Variants in KCNN2 observed in about 807,000 individuals in gnomAD.
KCNN2 encodes the protein potassium calcium-activated channel subfamily N member 2.
A neutral mutation model predicts 55.5 loss-of-function variants in KCNN2; 24 were observed. The observed-to-expected ratio is 0.43, with a 90% confidence interval of 0.31 to 0.61. The LOEUF is 0.61. KCNN2 is among the 20% of genes least tolerant of loss of function. KCNN2 has a pLI of 0.08. For missense variants in KCNN2, 754 were observed against 853.6 expected, an observed-to-expected ratio of 0.88 and a Z score of 1.45; for synonymous variants, 431 against 336.1, an observed-to-expected ratio of 1.28 and a Z score of -3.09.
At position 114,483,335 on chromosome 5, in the gene KCNN2, C is replaced by A. The variant is rs34565875; in HGVS notation, c.1891-3715C>A. 2.7e-5 allele frequency among the ~76,000 whole-genome samples: 4 copies of A among 147,026 alleles called. No individual in the cohort carries two copies. The Admixed American group carries it at 2.7e-4, about 10-fold the overall frequency. On this transcript the variant is annotated intron_variant, in intron 5 of 7. Coordinates refer to ENST00000673685, the MANE Select transcript of KCNN2 (RefSeq NM_021614.4). ...TGTCACCCAGGCTGGAGCACAGCAG[C>A]GTGATCTCGGCTCACTGCAACCTCC...
At chr5:114,413,674 G>T (rs771184637) in intron 3 of KCNN2, among the ~76,000 whole-genome samples, 1 of 152,150 alleles carries the variant, frequency 6.6e-6, no homozygotes, top group Non-Finnish European at 1.5e-5. Context: ...TGAGATCCTG[G>T]TTTAAAGAAT....
At chr5:114,172,088 A>G (rs551571466) in intron 1 of KCNN2, among the ~76,000 whole-genome samples, 2 of 151,938 alleles carry the variant, frequency 1.3e-5, no homozygotes, top group Non-Finnish European at 2.9e-5. Flanking sequence ...CTACAAACCT[A>G]TTGAAGATAA....
chr5:114,426,712 T>G (rs1759636066), intron 3 of KCNN2, among the ~76,000 whole-genome samples: 2 of 152,210 alleles, frequency 1.3e-5, no homozygotes, highest in Admixed American at 1.3e-4. Flanking sequence ...TGTTAGAGAA[T>G]GAAGAATAAC....
intron 3 of KCNN2, among the ~76,000 whole-genome samples, chr5:114,458,200 T>C (rs1399779491): frequency 6.6e-6 from 1 of 152,236 alleles, no homozygotes; most frequent in East Asian, 1.9e-4. Flanking sequence ...ATAATACTTC[T>C]CACTAACTAT....
intron 3 of KCNN2, among the ~76,000 whole-genome samples, chr5:114,407,577 A>G (rs1315788676): frequency 1.3e-5 from 2 of 152,202 alleles, no homozygotes; most frequent in Non-Finnish European, 2.9e-5. Flanking sequence ...CTTTGCATAC[A>G]TACTTCAAAT....
chr5:114,284,310 G>T (rs1044886068), intron 2 of KCNN2, among the ~76,000 whole-genome samples: 1 of 152,126 alleles, frequency 6.6e-6, no homozygotes, highest in African/African-American at 2.4e-5. Flanking sequence ...CAGAGTGAAA[G>T]CCTGTGTGTA....
At chr5:114,471,689 G>C (rs1167895919) in intron 4 of KCNN2, among the ~76,000 whole-genome samples, 1 of 152,134 alleles carries the variant, frequency 6.6e-6, no homozygotes, top group Admixed American at 6.5e-5. Flanking sequence ...CTCTTTCTCT[G>C]ATCATGTGAT....
At chr5:114,325,254 T>C (rs1333325927) in intron 2 of KCNN2, among the ~76,000 whole-genome samples, 1 of 152,192 alleles carries the variant, frequency 6.6e-6, no homozygotes, top group Non-Finnish European at 1.5e-5. Context: ...GTGTTGAATA[T>C]ATAGCCTGGG....
At chr5:114,146,359 G>A (rs567862936) in intron 1 of KCNN2, among the ~76,000 whole-genome samples, 44 of 152,150 alleles carry the variant, frequency 2.9e-4, no homozygotes, top group African/African-American at 8.9e-4. Flanking sequence ...GGCTTTGTGG[G>A]TTATAAGGAA....
At chr5:114,208,055 T>G (rs759323187) in intron 1 of KCNN2, among the ~76,000 whole-genome samples, 1 of 152,224 alleles carries the variant, frequency 6.6e-6, no homozygotes, top group Non-Finnish European at 1.5e-5. Flanking sequence ...TGCCAGATAT[T>G]GAGTCTCTGC....
intron 2 of KCNN2, among the ~76,000 whole-genome samples, chr5:114,385,777 T>G (rs1758262589): frequency 6.6e-6 from 1 of 152,032 alleles, no homozygotes; most frequent in South Asian, 2.1e-4. Context: ...ACTAATGTAA[T>G]GTATGATAAA....
chr5:114,310,059 C>T (rs1366699491), intron 2 of KCNN2, among the ~76,000 whole-genome samples: 2 of 152,216 alleles, frequency 1.3e-5, no homozygotes, highest in Non-Finnish European at 2.9e-5. Flanking sequence ...TTCTCTAGCA[C>T]ATACAATTTA....
intron 2 of KCNN2, among the ~76,000 whole-genome samples, chr5:114,309,445 C>T (rs1016363900): frequency 4.6e-5 from 7 of 152,176 alleles, no homozygotes; most frequent in Non-Finnish European, 7.3e-5. Flanking sequence ...TTACAAAGCT[C>T]ATGCCCTGAG....
intron 1 of KCNN2, among the ~76,000 whole-genome samples, chr5:114,146,285 A>G (rs1352571666): frequency 5.3e-5 from 8 of 152,172 alleles, no homozygotes; most frequent in Non-Finnish European, 1.5e-5. Flanking sequence ...ACAACTCCTT[A>G]TCCCCCTCTT....
At chr5:114,324,976 T>A (rs117729122) in intron 2 of KCNN2, among the ~76,000 whole-genome samples, 1 of 152,298 alleles carries the variant, frequency 6.6e-6, no homozygotes, top group Admixed American at 6.5e-5. Flanking sequence ...ATATGGATGT[T>A]AAAAGCACTG....
chr5:114,118,202 G>A (rs901584242), intron 1 of KCNN2, among the ~76,000 whole-genome samples: 5 of 151,992 alleles, frequency 3.3e-5, no homozygotes, highest in East Asian at 1.9e-4. Flanking sequence ...CAGGAGCTGC[G>A]GTGCTCTATT....
At chr5:114,385,993 A>G (rs941840809) in intron 2 of KCNN2, among the ~76,000 whole-genome samples, 2 of 151,680 alleles carry the variant, frequency 1.3e-5, no homozygotes, top group Non-Finnish European at 2.9e-5. Flanking sequence ...CCTGGCTAAC[A>G]TGGTGAAACC....
At chr5:114,290,725 C>T (rs1193726398) in intron 2 of KCNN2, among the ~76,000 whole-genome samples, 1 of 152,090 alleles carries the variant, frequency 6.6e-6, no homozygotes, top group Non-Finnish European at 1.5e-5. Context: ...CATTTATGAG[C>T]TATAAATTTA....
At chr5:114,242,542 A>G (rs1237747448) in intron 2 of KCNN2, among the ~76,000 whole-genome samples, 1 of 152,224 alleles carries the variant, frequency 6.6e-6, no homozygotes, top group Non-Finnish European at 1.5e-5. Flanking sequence ...GAATGATTAT[A>G]TTAATTCAAC....
Sources: allele counts gnomAD v4.1 joint callset (sites outside exome capture counted in the v4.1 genomes callset), GRCh38; gene constraint gnomAD v4.1.1; transcripts MANE v1.5; gene names NCBI Gene and HGNC (gene_info 2026-07-23, HGNC 2026-07-21).